Variants in RPGR observed in about 807,000 individuals in gnomAD.
RPGR encodes the protein X-linked retinitis pigmentosa GTPase regulator.
A neutral mutation model predicts 56.3 loss-of-function variants in RPGR; 10 were observed. The ratio of observed to expected loss-of-function variants is 0.18; its 90% CI spans 0.11 to 0.30. The LOEUF (loss-of-function observed/expected upper bound fraction) is 0.30, where lower values mean the gene tolerates loss of function less well. RPGR is among the 10% of genes least tolerant of loss of function. The probability of loss-of-function intolerance (pLI) is 1.00; values close to 1 mark genes in which losing one functional copy is unlikely to be tolerated. For missense variants in RPGR, 538 were observed against 590.9 expected, an observed-to-expected ratio of 0.91 and a Z score of 0.93; for synonymous variants, 197 against 212.9, an observed-to-expected ratio of 0.93 and a Z score of 0.65.
In RPGR at chrX:38,327,406, G is replaced by C; in HGVS notation, c.-39C>G. ...CGGGCAGCCTGCGCCGGGGCCAGGA[G>C]GCTGTAGAGGACGGTTTGGTCGGGG... On this transcript the variant is annotated 5_prime_UTR_variant, in exon 1 of 19. Coordinates refer to ENST00000642395, the MANE Select transcript of RPGR (RefSeq NM_000328.3). 8.6e-7 allele frequency: 1 copy of C among 1,156,849 alleles called. No individual in the cohort carries two copies. Among genetic ancestry groups the C allele is most frequent in the Non-Finnish European group, 1.2e-6 (1 of 865,452 alleles).
At chrX:38,312,030 C>T (rs1299333009) in intron 6 of RPGR, among the ~76,000 whole-genome samples, 1 of 111,987 alleles carries the variant, frequency 8.9e-6, no homozygotes, top group Non-Finnish European at 1.9e-5. Flanking sequence ...TAAGTATAAT[C>T]GCTATTGAAG....
At chrX:38,285,379 T>C (rs190788513) in intron 15 of RPGR, 8 of 1,084,820 alleles carry the variant, frequency 7.4e-6, no homozygotes, top group Admixed American at 3.9e-5. Flanking sequence ...GTGCCTCCTA[T>C]TGTCTTTGGC....
In RPGR at chrX:38,304,564, T is replaced by C. The variant is rs2067560056; in HGVS notation, c.934+71A>G. On this transcript the variant is annotated intron_variant, in intron 8 of 18. Transcript: ENST00000642395. The stretch of plus-strand genomic sequence containing the variant: ...TTTACTTAAGTTAGATACATTCATT[T>C]CACATATAATTTATTTTGTAATAAA... 12 of 871,403 alleles carry C rather than the reference T, an allele frequency of 1.4e-5. No individual in the cohort carries two copies. In the South Asian group the frequency reaches 2.3e-4, roughly 17 times the overall value. 71.8% of individuals were successfully genotyped at this position (871,403 alleles called of 1,213,427 possible). A position where few individuals can be genotyped will look rare whatever the true frequency, so the allele number is the denominator to read the frequency against.
At chrX:38,298,132 T>C (rs1297635650) in intron 10 of RPGR, among the ~76,000 whole-genome samples, 1 of 109,444 alleles carries the variant, frequency 9.1e-6, no homozygotes, top group Non-Finnish European at 1.9e-5. Flanking sequence ...TAGCCGGGCA[T>C]GGTGGTGCAC....
intron 15 of RPGR, among the ~76,000 whole-genome samples, chrX:38,280,810 C>T (rs1341517637): frequency 9.1e-6 from 1 of 110,413 alleles, no homozygotes; most frequent in East Asian, 2.8e-4. Context: ...TCTGCGATTA[C>T]AGGTGTGAGT....
intron 6 of RPGR, among the ~76,000 whole-genome samples, chrX:38,312,404 C>T (rs1407859591): frequency 1.8e-5 from 2 of 111,269 alleles, no homozygotes; most frequent in Non-Finnish European, 3.8e-5. Context: ...AAATGTCTTT[C>T]CTACCTCTAG....
In RPGR at chrX:38,297,217, T is replaced by G. The variant is rs963899574; in HGVS notation, c.1414+67A>C. ...AATAACTGGAGAAAACATCTTAAGATAAACATAAAAACTACAGGAATAAAA... is the reference window on the plus strand; with the variant it reads ...AATAACTGGAGAAAACATCTTAAGAGAAACATAAAAACTACAGGAATAAAA... On this transcript the variant is annotated intron_variant, in intron 11 of 18. Coordinates refer to ENST00000642395, the MANE Select transcript of RPGR (RefSeq NM_000328.3). 7 of 1,073,657 alleles carry G rather than the reference T, an allele frequency of 6.5e-6. No individual in the cohort carries two copies. The East Asian group carries it at 2.1e-4, about 32-fold the overall frequency. The allele number at this position is 1,073,657 out of a possible 1,213,427, so 88.5% of individuals were successfully genotyped here. A position where few individuals can be genotyped will look rare whatever the true frequency, so the allele number is the denominator to read the frequency against.
At position 38,269,566 on chromosome X, in the gene RPGR, T is replaced by C; in HGVS notation, c.*60A>G. ...ATCAGAAACTTTACTTCATAAGTTA[T>C]AACATTTTTCAAGTATACATTACAA... On this transcript the variant is annotated 3_prime_UTR_variant, in exon 19 of 19. Coordinates refer to ENST00000642395, the MANE Select transcript of RPGR (RefSeq NM_000328.3). 3.4e-6 allele frequency: 3 copies of C among 872,427 alleles called. No individual in the cohort carries two copies. The highest frequency in any genetic ancestry group is 2.1e-5 in the South Asian group (1 of 46,708). The allele number at this position is 872,427 out of a possible 1,213,427, so 71.9% of individuals were successfully genotyped here.
intron 11 of RPGR, among the ~76,000 whole-genome samples, chrX:38,291,755 C>A (rs1465428766): frequency 8.9e-6 from 1 of 111,985 alleles, no homozygotes; most frequent in Non-Finnish European, 1.9e-5. Context: ...GGATAAATAA[C>A]TACCCAGGTA....
At chrX:38,288,178 T>C in intron 13 of RPGR, 137 bp from the exon 14 acceptor site, 1 of 572,582 alleles carries the variant, frequency 1.7e-6, no homozygotes, top group Non-Finnish European at 2.8e-6. Flanking sequence ...TTACCAGATA[T>C]TTTGCTAAAG....
chrX:38,301,841 C>T (rs1470514402), intron 8 of RPGR, among the ~76,000 whole-genome samples: 1 of 110,858 alleles, frequency 9.0e-6, no homozygotes, highest in Non-Finnish European at 1.9e-5. Context: ...GTCCTGTGCA[C>T]TGTAGGATGT....
At chrX:38,295,728 C>T (rs2067365595) in intron 11 of RPGR, among the ~76,000 whole-genome samples, 1 of 111,545 alleles carries the variant, frequency 9.0e-6, no homozygotes. Flanking sequence ...CAATTCTTAC[C>T]TGAGTTCCCA....
chrX:38,276,748 C>G lies in RPGR; in HGVS notation c.1930G>C (p.Glu644Gln). 3 of 1,209,168 alleles carry G rather than the reference C, an allele frequency of 2.5e-6. No individual in the cohort carries two copies. The highest frequency in any genetic ancestry group is 3.4e-6 in the Non-Finnish European group (3 of 893,919). Residue 644 changes from glutamate (E) to glutamine (Q), a missense_variant, in exon 16 of 19, where the codon GAA (glutamate) becomes CAA (glutamine). By Grantham distance (29) the Glu-to-Gln change is conservative. Coordinates refer to ENST00000642395, the MANE Select transcript of RPGR (RefSeq NM_000328.3). ...TCATCCACATCTTCTAGTTTTAGTT[C>G]CTCAGTTTTAGAAAATTCATGATCC...
intron 15 of RPGR, chrX:38,279,189 G>C (rs1477944343): frequency 3.0e-6 from 1 of 329,757 alleles, no homozygotes; most frequent in Non-Finnish European, 5.9e-6. Flanking sequence ...AACAATTTGG[G>C]AGTGACTGGC....
intron 15 of RPGR, chrX:38,284,917 T>C (rs186269331): frequency 3.7e-4 from 276 of 750,145 alleles, no homozygotes; most frequent in Middle Eastern, 7.6e-4. Context: ...TCTGCCCAGA[T>C]AGTAACTAAA....
chrX:38,311,120 T>C (rs926835076), intron 6 of RPGR, among the ~76,000 whole-genome samples: 2 of 112,644 alleles, frequency 1.8e-5, no homozygotes, highest in African/African-American at 6.5e-5. Flanking sequence ...AACCTAGCAG[T>C]GTCTAGAACA....
At chrX:38,279,137 C>A (rs41305371) in intron 15 of RPGR, 2 of 328,711 alleles carry the variant, frequency 6.1e-6, no homozygotes, top group South Asian at 2.6e-5. Context: ...CACATCTGGA[C>A]GACTACTTGA....
intron 6 of RPGR, among the ~76,000 whole-genome samples, chrX:38,315,739 G>A (rs2067808664): frequency 9.2e-6 from 1 of 108,295 alleles, no homozygotes. Flanking sequence ...TGCTTGAGGG[G>A]ATGGATACCC....
chrX:38,318,356 T>C (rs1164864562), intron 5 of RPGR, among the ~76,000 whole-genome samples: 3 of 109,023 alleles, frequency 2.8e-5, no homozygotes, highest in Non-Finnish European at 5.7e-5. Context: ...ATCAAGCTGA[T>C]CTTGGCTCCA....
Sources: allele counts gnomAD v4.1 joint callset (sites outside exome capture counted in the v4.1 genomes callset), GRCh38; gene constraint gnomAD v4.1.1; transcripts MANE v1.5; gene names NCBI Gene and HGNC (gene_info 2026-07-23, HGNC 2026-07-21).